Variants in CRB1 observed in about 807,000 individuals in gnomAD.
CRB1 encodes the protein crumbs cell polarity complex component 1.
A neutral mutation model predicts 120.0 loss-of-function variants in CRB1; 83 were observed. The observed-to-expected ratio is 0.69, with a 90% confidence interval of 0.58 to 0.83. The LOEUF is 0.83. CRB1 is among the 40% of genes least tolerant of loss of function. CRB1 has a pLI of 0.00. For missense variants in CRB1, 1,699 were observed against 1,687.6 expected (o/e 1.01, Z -0.12); for synonymous variants, 625 against 612.5 (o/e 1.02, Z -0.30).
chr1:197,223,142 A>T, the CRB1 span: 52 of 907,130 alleles, frequency 5.7e-5, no homozygotes, highest in African/African-American at 8.0e-4. Flanking sequence ...ACTTTGGATA[A>T]TGATTGCCTT....
intron 11 of CRB1, among the ~76,000 whole-genome samples, chr1:197,465,501 A>G (rs1666714507): frequency 6.6e-6 from 1 of 152,198 alleles, no homozygotes; most frequent in Non-Finnish European, 1.5e-5. Context: ...TACTATTTCA[A>G]TAAATCCTCA....
In CRB1 at chr1:197,328,761, C is replaced by G. The variant is rs1658676602; in HGVS notation, c.410C>G (p.Pro137Arg). 1 of 1,611,960 alleles carries G rather than the reference C, an allele frequency of 6.2e-7. No individual in the cohort carries two copies. Among genetic ancestry groups the G allele is most frequent in the African/African-American group, 1.3e-5 (1 of 74,906 alleles). Residue 137 changes from proline (P) to arginine (R), a missense_variant, in exon 2 of 12, where the codon CCT becomes CGT. Pro to Arg is a moderately radical substitution (Grantham distance 103). Coordinates refer to ENST00000367400, the MANE Select transcript of CRB1 (RefSeq NM_201253.3). Reference protein sequence around the residue: ...QDPIYPVCICPAGYAGRFCEI... With the variant: ...QDPIYPVCICRAGYAGRFCEI... ...CCTATTTATCCTGTCTGCATCTGCC[C>G]TGCTGGATATGCTGGAAGATTCTGT...
chr1:197,464,538 C>T (rs1353138763), intron 11 of CRB1, among the ~76,000 whole-genome samples: 1 of 151,722 alleles, frequency 6.6e-6, no homozygotes, highest in Non-Finnish European at 1.5e-5. Context: ...GAGAGAGTTG[C>T]GCTGCACTGC....
chr1:197,293,033 T>G (rs1656286718), intron 1 of CRB1, among the ~76,000 whole-genome samples: 1 of 152,072 alleles, frequency 6.6e-6, no homozygotes, highest in South Asian at 2.1e-4. Context: ...ACCACTCCTT[T>G]TCAATATAGT....
intron 11 of CRB1, among the ~76,000 whole-genome samples, chr1:197,466,538 A>G (rs1176466701): frequency 6.6e-6 from 1 of 152,046 alleles, no homozygotes; most frequent in African/African-American, 2.4e-5. Context: ...TGGCTTTTTG[A>G]TCATTTTTAT....
intron 3 of CRB1, among the ~76,000 whole-genome samples, chr1:197,344,834 T>A (rs867069876): frequency 6.6e-6 from 1 of 152,230 alleles, no homozygotes; most frequent in Non-Finnish European, 1.5e-5. Flanking sequence ...GTCAAGGATA[T>A]AAATCAGATG....
chr1:197,208,385 T>C, the CRB1 span, among the ~76,000 whole-genome samples: 2 of 152,226 alleles, frequency 1.3e-5, no homozygotes. Context: ...CAAGGGCTGC[T>C]ATTCAGATTC....
chr1:197,265,229 T>C (rs1654605238), upstream of CRB1, among the ~76,000 whole-genome samples: 2 of 152,158 alleles, frequency 1.3e-5, no homozygotes, highest in Admixed American at 1.3e-4. Context: ...TCAGTTCTCA[T>C]TGATTTCCCT....
In CRB1 at chr1:197,445,475, G is replaced by C. The variant is rs566917880; in HGVS notation, c.4005+3183G>C. On this transcript the variant is annotated intron_variant, in intron 11 of 11. Coordinates refer to ENST00000367400, the MANE Select transcript of CRB1 (RefSeq NM_201253.3). ...GAGGACTTACTCTATGCCAGGAACT[G>C]TGATAAGCCTTTTTAAATACTTTAT... 2.0e-5 allele frequency among the ~76,000 whole-genome samples: 3 copies of C among 152,300 alleles called. No individual in the cohort carries two copies. In the East Asian group the frequency reaches 5.8e-4, roughly 29 times the overall value.
At chr1:197,277,962 A>T (rs1187968516) in intron 1 of CRB1, among the ~76,000 whole-genome samples, 2 of 151,962 alleles carry the variant, frequency 1.3e-5, no homozygotes, top group African/African-American at 4.8e-5. Context: ...ACTAGGTTAT[A>T]TTGCAACAAA....
intron 1 of CRB1, among the ~76,000 whole-genome samples, chr1:197,319,432 C>CA (rs10646084): frequency 0.24 from 6,497 of 27,032 alleles, 2,083 homozygotes; most frequent in Middle Eastern, 0.31. Context: ...GACTCCATCT[C>CA]AAAAAAAAAA....
chr1:197,446,713 C>T (rs1005748364), intron 11 of CRB1, among the ~76,000 whole-genome samples: 2 of 152,142 alleles, frequency 1.3e-5, no homozygotes, highest in African/African-American at 4.8e-5. Context: ...TTTGCACTAC[C>T]ATATATAGTT....
the CRB1 span, among the ~76,000 whole-genome samples, chr1:197,252,582 A>ATATATATATATATATATATATATGTGTG: frequency 6.4e-5 from 1 of 15,506 alleles, no homozygotes; most frequent in Non-Finnish European, 1.4e-4. Flanking sequence ...ATATATATAT[A>ATATATATATATATATATATATATGTGTG]TGTGTGTGTG....
chr1:197,212,897 G>T, the CRB1 span, among the ~76,000 whole-genome samples: 4 of 152,060 alleles, frequency 2.6e-5, no homozygotes, highest in Admixed American at 1.3e-4. Flanking sequence ...CTAGTCCATG[G>T]CAAAAAGATA....
At chr1:197,477,039 G>A (rs896428604) in intron 11 of CRB1, among the ~76,000 whole-genome samples, 3 of 152,288 alleles carry the variant, frequency 2.0e-5, no homozygotes, top group South Asian at 2.1e-4. Context: ...TCTACCTGCC[G>A]TTGTCTGCTG....
chr1:197,379,256 G>T (rs955971120), intron 5 of CRB1, among the ~76,000 whole-genome samples: 2 of 151,946 alleles, frequency 1.3e-5, no homozygotes, highest in African/African-American at 4.8e-5. Flanking sequence ...AAAGATCAGT[G>T]AAAATGATTC....
intron 1 of CRB1, among the ~76,000 whole-genome samples, chr1:197,274,464 A>G (rs754145942): frequency 8.5e-5 from 13 of 152,140 alleles, no homozygotes; most frequent in African/African-American, 1.2e-4. Context: ...GATGTCCTAA[A>G]TGATTTTATA....
At chr1:197,273,639 A>G (rs1019025554) in intron 1 of CRB1, among the ~76,000 whole-genome samples, 2 of 152,068 alleles carry the variant, frequency 1.3e-5, no homozygotes, top group Non-Finnish European at 2.9e-5. Flanking sequence ...ATCTATTGAC[A>G]TTTATTTTAT....
chr1:197,422,917 C>A (rs1452171603), intron 6 of CRB1: 1 of 152,092 alleles, frequency 6.6e-6, no homozygotes, highest in Non-Finnish European at 1.5e-5. Context: ...GTTCAAATGT[C>A]TAAGAATTAT....
Sources: allele counts gnomAD v4.1 joint callset (sites outside exome capture counted in the v4.1 genomes callset), GRCh38; gene constraint gnomAD v4.1.1; transcripts MANE v1.5; gene names NCBI Gene and HGNC (gene_info 2026-07-23, HGNC 2026-07-21).